The following PCGF5 variants were observed in gnomAD, a reference collection of about 807,000 sequenced individuals.
PCGF5 encodes the protein polycomb group RING finger protein 5.
In PCGF5, 9 loss-of-function variants were observed where a neutral mutation model predicts 44.3. The ratio of observed to expected loss-of-function variants is 0.20; its 90% CI spans 0.12 to 0.35. The LOEUF is 0.35. PCGF5 is among the 10% of genes least tolerant of loss of function. The pLI is 1.00. For missense variants in PCGF5, 146 were observed against 305.3 expected (o/e 0.48, Z 3.89); for synonymous variants, 95 against 102.5 (o/e 0.93, Z 0.44).
chr10:91,248,790 T>C, intron 5 of PCGF5, 66 bp downstream of exon 5: 1 of 1,267,684 alleles, frequency 7.9e-7, no homozygotes, highest in Non-Finnish European at 1.1e-6. Flanking sequence ...ATAGTTTAGG[T>C]GAACTAATAT....
At position 91,227,602 on chromosome 10, in the gene PCGF5, C is replaced by G. The variant is rs530096485; in HGVS notation, c.112+4619C>G. On this transcript the variant is annotated intron_variant, in intron 2 of 9. Coordinates refer to ENST00000336126, the MANE Select transcript of PCGF5 (RefSeq NM_032373.5). ...TTACATCTCACCAAAGCCACTGCAG[C>G]ACATTCTTAACTGTGTCCAAGTGGT... 9.1e-4 allele frequency: 1,064 copies of G among 1,169,330 alleles called. 1 individual carries two copies. Among genetic ancestry groups the G allele is most frequent in the South Asian group, 2.9e-3 (175 of 59,836 alleles). 72.4% of individuals were successfully genotyped at this position (1,169,330 alleles called of 1,614,324 possible). A position where few individuals can be genotyped will look rare whatever the true frequency, so the allele number is the denominator to read the frequency against.
At chr10:91,199,773 A>AG (rs1411502600) in intron 1 of PCGF5, among the ~76,000 whole-genome samples, 6 of 149,104 alleles carry the variant, frequency 4.0e-5, no homozygotes, top group Admixed American at 1.4e-4. Flanking sequence ...TTTGACAGAT[A>AG]GGGAAGTGGA....
upstream of PCGF5, among the ~76,000 whole-genome samples, chr10:91,219,132 C>T (rs1458036180): frequency 6.6e-6 from 1 of 152,090 alleles, no homozygotes; most frequent in East Asian, 1.9e-4. Context: ...TTGTAGTTCT[C>T]CCTCATCCCA....
chr10:91,230,339 G>A (rs1425245639), intron 2 of PCGF5, among the ~76,000 whole-genome samples: 2 of 152,076 alleles, frequency 1.3e-5, no homozygotes, highest in Non-Finnish European at 2.9e-5. Context: ...TCTAGCACAA[G>A]GGTTCAATAT....
intron 6 of PCGF5, among the ~76,000 whole-genome samples, chr10:91,255,489 C>G (rs988914603): frequency 4.6e-5 from 7 of 152,040 alleles, no homozygotes; most frequent in African/African-American, 1.4e-4. Context: ...TTGTCAACAC[C>G]TTAGTTGAAT....
At chr10:91,199,348 G>A (rs1302660247) in intron 1 of PCGF5, among the ~76,000 whole-genome samples, 1 of 152,238 alleles carries the variant, frequency 6.6e-6, no homozygotes, top group African/African-American at 2.4e-5. Flanking sequence ...GAGCTGTAGA[G>A]CCAGCATGGC....
chr10:91,172,800 T>G (rs1312525597), intron 1 of PCGF5, among the ~76,000 whole-genome samples: 1 of 152,240 alleles, frequency 6.6e-6, no homozygotes, highest in Non-Finnish European at 1.5e-5. Flanking sequence ...GTTTATTGCT[T>G]TCACAGCTAT....
intron 1 of PCGF5, among the ~76,000 whole-genome samples, chr10:91,211,865 C>T (rs1254480353): frequency 2.0e-5 from 3 of 152,100 alleles, no homozygotes; most frequent in Non-Finnish European, 4.4e-5. Flanking sequence ...TATCTGGAAC[C>T]AGGCCCCAGA....
At chr10:91,251,888 A>G (rs573820359) in intron 6 of PCGF5, among the ~76,000 whole-genome samples, 79 of 152,072 alleles carry the variant, frequency 5.2e-4, no homozygotes, top group African/African-American at 1.9e-3. Context: ...AATTTAATCA[A>G]TTAGTTTTGA....
intron 1 of PCGF5, among the ~76,000 whole-genome samples, chr10:91,201,745 A>T (rs1844255800): frequency 6.6e-6 from 1 of 150,850 alleles, no homozygotes; most frequent in Non-Finnish European, 1.5e-5. Flanking sequence ...TTTTTAAGAA[A>T]CCCATCTTGG....
chr10:91,247,795 G>A (rs1845506128), intron 3 of PCGF5, among the ~76,000 whole-genome samples: 2 of 152,162 alleles, frequency 1.3e-5, no homozygotes, highest in South Asian at 4.1e-4. Context: ...CCAGAGCTGT[G>A]GTAGAGATTT....
intron 1 of PCGF5, among the ~76,000 whole-genome samples, chr10:91,210,620 G>T (rs1844434274): frequency 6.6e-6 from 1 of 152,198 alleles, no homozygotes; most frequent in African/African-American, 2.4e-5. Flanking sequence ...CAAGGGCTTT[G>T]TCATGGCTGG....
chr10:91,156,487 T>C, the PCGF5 span, among the ~76,000 whole-genome samples: 27,387 of 151,882 alleles, frequency 0.18, 3,590 homozygotes, highest in African/African-American at 0.37. Flanking sequence ...ATGTCTGAGG[T>C]AGAACAAGCA....
At chr10:91,182,333 A>G (rs1410359680) in intron 1 of PCGF5, among the ~76,000 whole-genome samples, 1 of 151,910 alleles carries the variant, frequency 6.6e-6, no homozygotes, top group East Asian at 1.9e-4. Flanking sequence ...TAGATTTTTT[A>G]GTTTATAAGC....
In PCGF5 at chr10:91,222,996, T is replaced by C. The variant is rs781404660; in HGVS notation, c.112+13T>C. The C allele has an allele frequency of 7.9e-6, 12 of 1,511,412 alleles. No homozygotes were observed. Among genetic ancestry groups the C allele is most frequent in the Non-Finnish European group, 1.0e-5 (11 of 1,086,786 alleles). The allele number at this position is 1,511,412 out of a possible 1,614,324, so 93.6% of individuals were successfully genotyped here. A position where few individuals can be genotyped will look rare whatever the true frequency, so the allele number is the denominator to read the frequency against. On this transcript the variant is annotated intron_variant, in intron 2 of 9. Coordinates refer to ENST00000336126, the MANE Select transcript of PCGF5 (RefSeq NM_032373.5). Reference sequence around the variant, plus strand: ...TGCCTCCATACATGTAAGTATTCTTTTAGGTTATTATACCTATCAAAGTTT... The same window carrying C: ...TGCCTCCATACATGTAAGTATTCTTCTAGGTTATTATACCTATCAAAGTTT...
At chr10:91,254,899 A>C (rs1460650375) in intron 6 of PCGF5, among the ~76,000 whole-genome samples, 1 of 152,096 alleles carries the variant, frequency 6.6e-6, no homozygotes, top group Non-Finnish European at 1.5e-5. Flanking sequence ...ACTAACTATC[A>C]GTATAAAGGG....
chr10:91,178,445 A>G (rs1843754405), intron 1 of PCGF5, among the ~76,000 whole-genome samples: 1 of 149,166 alleles, frequency 6.7e-6, no homozygotes, highest in Admixed American at 6.7e-5. Flanking sequence ...GCTGGAGTGC[A>G]GTGGTGTGAT....
intron 7 of PCGF5, among the ~76,000 whole-genome samples, chr10:91,262,994 G>A (rs1222008315): frequency 6.6e-6 from 1 of 152,106 alleles, no homozygotes; most frequent in African/African-American, 2.4e-5. Flanking sequence ...TCTTACTTCT[G>A]GCATGTATAT....
chr10:91,160,012 A>C (rs1476003126), upstream of PCGF5, among the ~76,000 whole-genome samples: 1 of 152,212 alleles, frequency 6.6e-6, no homozygotes, highest in Non-Finnish European at 1.5e-5. Context: ...CTCATGGTTA[A>C]TCTGTGTTTC....
Sources: gnomAD v4.1 joint callset for allele counts (sites outside exome capture counted in the v4.1 genomes callset) on GRCh38, gnomAD v4.1.1 for gene constraint, MANE v1.5 for transcripts, NCBI Gene and HGNC (gene_info 2026-07-23, HGNC 2026-07-21) for gene names.